Variants in DAD1 observed in about 807,000 individuals in gnomAD.
DAD1 encodes defender against cell death 1.
DAD1 carries 4 observed loss-of-function variants against 9.0 expected under a neutral mutation model. The ratio of observed to expected loss-of-function variants is 0.44; its 90% CI spans 0.22 to 1.01. The LOEUF (loss-of-function observed/expected upper bound fraction) is 1.01, where lower values mean the gene tolerates loss of function less well. DAD1 is among the 50% of genes least tolerant of loss of function. DAD1 has a pLI of 0.24. For synonymous variants in DAD1, 60 were observed against 62.5 expected (o/e 0.96, Z 0.19); for missense variants, 119 against 137.3 (o/e 0.87, Z 0.67).
intron 2 of DAD1, among the ~76,000 whole-genome samples, chr14:22,567,502 TC>T (rs1315445295): frequency 6.6e-6 from 1 of 152,218 alleles, no homozygotes; most frequent in African/African-American, 2.4e-5. Context: ...GCTTTAGAGA[TC>T]AGCTTCTTTA....
intron 2 of DAD1, among the ~76,000 whole-genome samples, chr14:22,572,342 T>C (rs192103290): frequency 1.4e-4 from 22 of 152,282 alleles, no homozygotes; most frequent in Non-Finnish European, 2.2e-4. Flanking sequence ...AGTGCACATA[T>C]AGCTGAGTTA....
At chr14:22,571,206 C>T (rs1184947903) in intron 2 of DAD1, among the ~76,000 whole-genome samples, 1 of 146,418 alleles carries the variant, frequency 6.8e-6, no homozygotes, top group Non-Finnish European at 1.5e-5. Context: ...CCCAGCTACT[C>T]GGGGAGGCTG....
chr14:22,573,705 A>G lies in DAD1; in HGVS notation c.*44+1354T>C, dbSNP rs778032028. 1.9e-3 allele frequency among the ~76,000 whole-genome samples: 226 copies of G among 119,406 alleles called. 1 individual carries two copies. Among genetic ancestry groups the G allele is most frequent in the African/African-American group, 7.5e-3 (207 of 27,648 alleles). The allele number at this position is 119,406 out of a possible 152,430, so 78.3% of individuals were successfully genotyped here. Reference sequence around the variant, plus strand: ...AGCCTGGGTAACAGAGCGAGACTCCATCTCAAAAAAAAAAAAAAAAAAACA... The same window carrying G: ...AGCCTGGGTAACAGAGCGAGACTCCGTCTCAAAAAAAAAAAAAAAAAAACA... On this transcript the variant is annotated intron_variant, in intron 2 of 2. Coordinates refer to ENST00000250498, the MANE Select transcript of DAD1 (RefSeq NM_001344.4).
intron 1 of DAD1, among the ~76,000 whole-genome samples, chr14:22,586,274 A>G (rs1316081991): frequency 1.3e-5 from 2 of 151,540 alleles, no homozygotes; most frequent in African/African-American, 2.4e-5. Flanking sequence ...GGCCGGGCAC[A>G]GTGACTCACA....
intron 1 of DAD1, among the ~76,000 whole-genome samples, chr14:22,585,702 A>G (rs1215969715): frequency 1.3e-5 from 2 of 152,198 alleles, no homozygotes; most frequent in African/African-American, 4.8e-5. Context: ...CATCAGGCCC[A>G]ATAACAACAG....
intron 1 of DAD1, among the ~76,000 whole-genome samples, chr14:22,586,618 G>A (rs1188092819): frequency 2.6e-5 from 4 of 152,170 alleles, no homozygotes; most frequent in South Asian, 2.1e-4. Flanking sequence ...CAACAGTATC[G>A]CCTACATTTC....
intron 1 of DAD1, among the ~76,000 whole-genome samples, chr14:22,577,302 T>C (rs2037084057): frequency 6.6e-6 from 1 of 151,974 alleles, no homozygotes; most frequent in Non-Finnish European, 1.5e-5. Flanking sequence ...GGCGTGGTGG[T>C]AGGCGCCTGT....
chr14:22,573,461 T>G (rs1316725399), intron 2 of DAD1, among the ~76,000 whole-genome samples: 1 of 151,586 alleles, frequency 6.6e-6, no homozygotes, highest in African/African-American at 2.4e-5. Context: ...TTCTTAAAAG[T>G]TTTTCACTGT....
intron 1 of DAD1, among the ~76,000 whole-genome samples, chr14:22,583,754 G>C (rs1246036807): frequency 6.6e-6 from 1 of 152,102 alleles, no homozygotes; most frequent in Non-Finnish European, 1.5e-5. Flanking sequence ...TGGATCCTCT[G>C]CACAAGCAGA....
rs758216701 is a variant in DAD1, at chr14:22,589,185, G to C, written c.-28C>G. 5.0e-6 allele frequency: 8 copies of C among 1,611,584 alleles called. No homozygotes were observed. Among genetic ancestry groups the C allele is most frequent in the East Asian group, 4.5e-5 (2 of 44,868 alleles). On this transcript the variant is annotated 5_prime_UTR_variant, in exon 1 of 3. Coordinates refer to ENST00000250498, the MANE Select transcript of DAD1 (RefSeq NM_001344.4). ...CTGCACGCAAGGTACTCCGGTCCGC[G>C]CCCCAAACTCTTGGAGGACCCGTCG...
Position 22,589,185 on chromosome 14 carries a change from G to T in DAD1, c.-28C>A, listed in dbSNP as rs758216701. 6.2e-7 allele frequency: 1 copy of T among 1,611,702 alleles called. No individual in the cohort carries two copies. The highest frequency in any genetic ancestry group is 8.5e-7 in the Non-Finnish European group (1 of 1,178,148). ...CTGCACGCAAGGTACTCCGGTCCGC[G>T]CCCCAAACTCTTGGAGGACCCGTCG... On this transcript the variant is annotated 5_prime_UTR_variant, in exon 1 of 3. Transcript: ENST00000250498.
intron 2 of DAD1, among the ~76,000 whole-genome samples, chr14:22,573,348 G>C (rs2037054090): frequency 6.6e-6 from 1 of 152,054 alleles, no homozygotes; most frequent in Non-Finnish European, 1.5e-5. Flanking sequence ...CAAGACATTG[G>C]CTGGCACATA....
At chr14:22,575,900 C>T (rs1249054752) in intron 1 of DAD1, among the ~76,000 whole-genome samples, 2 of 152,154 alleles carry the variant, frequency 1.3e-5, no homozygotes, top group Non-Finnish European at 2.9e-5. Context: ...CTGGCAGGTA[C>T]CCAGAGGAAG....
At chr14:22,584,239 G>C (rs5742760) in intron 1 of DAD1, among the ~76,000 whole-genome samples, 29 of 152,234 alleles carry the variant, frequency 1.9e-4, no homozygotes, top group East Asian at 1.2e-3. Context: ...AACATATACA[G>C]TGTTCAGCAC....
At chr14:22,573,475 G>A (rs1389321856) in intron 2 of DAD1, among the ~76,000 whole-genome samples, 2 of 151,944 alleles carry the variant, frequency 1.3e-5, no homozygotes, top group Non-Finnish European at 2.9e-5. Context: ...TCACTGTTGG[G>A]AGGCCAAGGC....
intron 1 of DAD1, among the ~76,000 whole-genome samples, chr14:22,581,532 G>A (rs148696431): frequency 0.03 from 4,589 of 151,546 alleles, 105 homozygotes; most frequent in Middle Eastern, 0.062. Context: ...ACCTGAGGTC[G>A]GGAGTTCGAG....
At chr14:22,573,148 T>C (rs2037052536) in intron 2 of DAD1, among the ~76,000 whole-genome samples, 1 of 152,018 alleles carries the variant, frequency 6.6e-6, no homozygotes, top group Non-Finnish European at 1.5e-5. Context: ...TACTAGACTG[T>C]ACATGTCTTG....
In DAD1 at chr14:22,579,752, C is replaced by T. The variant is rs147586880; in HGVS notation, c.212-4519G>A. 1.6e-3 allele frequency among the ~76,000 whole-genome samples: 239 copies of T among 151,864 alleles called. 2 individuals carry two copies. The highest frequency in any genetic ancestry group is 5.6e-3 in the African/African-American group (231 of 41,388). On this transcript the variant is annotated intron_variant, in intron 1 of 2. Coordinates refer to ENST00000250498, the MANE Select transcript of DAD1 (RefSeq NM_001344.4). ...TATACAACTGACATGCAATGAAATC[C>T]CATGCAATTATTCAAAAGAATAAGG... is the stretch of plus-strand genomic sequence containing the variant.
At chr14:22,573,617 G>A (rs1045848491) in intron 2 of DAD1, among the ~76,000 whole-genome samples, 5 of 150,176 alleles carry the variant, frequency 3.3e-5, no homozygotes, top group Non-Finnish European at 5.9e-5. Flanking sequence ...GGCTGAGGCA[G>A]GAGAATGGCA....
Sources: gnomAD v4.1 joint callset for allele counts (sites outside exome capture counted in the v4.1 genomes callset) on GRCh38, gnomAD v4.1.1 for gene constraint, MANE v1.5 for transcripts, NCBI Gene and HGNC (gene_info 2026-07-23, HGNC 2026-07-21) for gene names.